RBFOX1: variants seen among roughly 807,000 people sequenced by gnomAD.
The protein encoded by RBFOX1 is RNA binding fox-1 homolog 1.
A neutral mutation model predicts 57.7 loss-of-function variants in RBFOX1; 8 were observed. The ratio of observed to expected loss-of-function variants is 0.14; its 90% CI spans 0.08 to 0.25. The LOEUF (loss-of-function observed/expected upper bound fraction) is 0.25, where lower values mean the gene tolerates loss of function less well. Among genes scored for constraint, RBFOX1 ranks in the 10% least tolerant of loss-of-function variants. The probability of loss-of-function intolerance (pLI) is 1.00; values close to 1 mark genes in which losing one functional copy is unlikely to be tolerated. For missense variants in RBFOX1, 611 were observed against 548.5 expected (o/e 1.11, Z -1.14); for synonymous variants, 326 against 222.4 (o/e 1.47, Z -4.15).
intron 1 of RBFOX1, among the ~76,000 whole-genome samples, chr16:6,278,394 A>AAAAAAAAAAAAAAAAAAAAAAAAAAAAC (rs1220589005): frequency 7.0e-6 from 1 of 143,658 alleles, no homozygotes; most frequent in Non-Finnish European, 1.5e-5. Flanking sequence ...AAAAAAAAAA[A>AAAAAAAAAAAAAAAAAAAAAAAAAAAAC]AAAAAAAAAA....
At chr16:5,580,489 C>T (rs1302453350) in intron 2 of RBFOX1, among the ~76,000 whole-genome samples, 2 of 152,312 alleles carry the variant, frequency 1.3e-5, no homozygotes, top group Admixed American at 6.5e-5. Context: ...TTGGATGCCA[C>T]CTGCTGCCAG....
intron 2 of RBFOX1, among the ~76,000 whole-genome samples, chr16:6,593,248 C>T (rs1323659129): frequency 6.6e-6 from 1 of 152,106 alleles, no homozygotes; most frequent in Non-Finnish European, 1.5e-5. Flanking sequence ...ACCCATCTCT[C>T]TCTGCCCTAC....
At chr16:7,640,649 T>C (rs1019244306) in intron 11 of RBFOX1, among the ~76,000 whole-genome samples, 1 of 152,206 alleles carries the variant, frequency 6.6e-6, no homozygotes, top group Non-Finnish European at 1.5e-5. Context: ...GCAATTATTC[T>C]GGGGGAATTC....
At chr16:6,241,486 G>A (rs1488033484) in intron 1 of RBFOX1, among the ~76,000 whole-genome samples, 1 of 152,150 alleles carries the variant, frequency 6.6e-6, no homozygotes, top group African/African-American at 2.4e-5. Flanking sequence ...CATGACTGCT[G>A]TGGATTCTTT....
At chr16:5,306,730 C>T (rs1187353332) in intron 1 of RBFOX1, among the ~76,000 whole-genome samples, 1 of 152,212 alleles carries the variant, frequency 6.6e-6, no homozygotes, top group Non-Finnish European at 1.5e-5. Flanking sequence ...GCCCTGCCCT[C>T]CATCACCCGG....
At chr16:7,361,054 T>C (rs945300666) in intron 4 of RBFOX1, among the ~76,000 whole-genome samples, 5 of 152,224 alleles carry the variant, frequency 3.3e-5, no homozygotes, top group East Asian at 1.9e-4. Context: ...GCGTGGTAGA[T>C]GTTTGTAAAC....
chr16:6,119,028 TG>T (rs1011349759), intron 1 of RBFOX1, among the ~76,000 whole-genome samples: 4 of 151,388 alleles, frequency 2.6e-5, no homozygotes, highest in African/African-American at 9.7e-5. Flanking sequence ...TTTTTTTTTT[TG>T]ATCTTTCATG....
intron 4 of RBFOX1, among the ~76,000 whole-genome samples, chr16:7,323,244 G>A (rs1340353945): frequency 6.6e-6 from 1 of 152,094 alleles, no homozygotes; most frequent in Admixed American, 6.6e-5. Flanking sequence ...GCAACACAGC[G>A]AGACCCCCAT....
chr16:6,683,416 A>T (rs931468334), intron 3 of RBFOX1, among the ~76,000 whole-genome samples: 2 of 152,154 alleles, frequency 1.3e-5, no homozygotes, highest in Admixed American at 6.5e-5. Context: ...GATGCATGCT[A>T]ATGTATTTGG....
At chr16:6,815,528 C>G (rs1021575532) in intron 3 of RBFOX1, among the ~76,000 whole-genome samples, 13 of 152,164 alleles carry the variant, frequency 8.5e-5, no homozygotes, top group Admixed American at 2.0e-4. Context: ...TCCAGCATCC[C>G]CTACGCCAGA....
intron 3 of RBFOX1, among the ~76,000 whole-genome samples, chr16:6,826,641 C>A (rs1239805953): frequency 1.3e-5 from 2 of 151,924 alleles, no homozygotes; most frequent in Admixed American, 1.3e-4. Flanking sequence ...TTTTTAAAAA[C>A]CTTCCTTTTT....
chr16:6,755,360 A>G (rs1199050500), intron 3 of RBFOX1, among the ~76,000 whole-genome samples: 1 of 152,032 alleles, frequency 6.6e-6, no homozygotes, highest in Non-Finnish European at 1.5e-5. Flanking sequence ...CCTCTCCAGC[A>G]CCTGTTGTTT....
At chr16:6,011,834 G>A (rs1388277216) in intron 4 of RBFOX1, among the ~76,000 whole-genome samples, 2 of 152,172 alleles carry the variant, frequency 1.3e-5, no homozygotes, top group Non-Finnish European at 2.9e-5. Flanking sequence ...TCAGGTCTGG[G>A]TTATCATGGA....
At chr16:6,847,462 C>T (rs887280958) in intron 3 of RBFOX1, among the ~76,000 whole-genome samples, 1 of 152,024 alleles carries the variant, frequency 6.6e-6, no homozygotes, top group Non-Finnish European at 1.5e-5. Flanking sequence ...CAATGGGGAG[C>T]CACAGGGGGT....
intron 2 of RBFOX1, among the ~76,000 whole-genome samples, chr16:6,545,518 C>T (rs981267891): frequency 1.3e-5 from 2 of 152,160 alleles, no homozygotes; most frequent in Non-Finnish European, 2.9e-5. Flanking sequence ...CTGTCGTGGT[C>T]ACTTGGCAAG....
intron 2 of RBFOX1, among the ~76,000 whole-genome samples, chr16:6,652,517 A>G (rs1369082882): frequency 6.6e-6 from 1 of 152,066 alleles, no homozygotes; most frequent in Non-Finnish European, 1.5e-5. Context: ...AGCAGCAGCT[A>G]TGTGAGGCAC....
At chr16:5,808,097 C>T (rs2055292564) in intron 3 of RBFOX1, among the ~76,000 whole-genome samples, 1 of 152,184 alleles carries the variant, frequency 6.6e-6, no homozygotes. Flanking sequence ...GAAGTCCTAG[C>T]TCCTGGTATA....
chr16:6,431,005 C>T lies in RBFOX1; in HGVS notation c.-64+113948C>T, dbSNP rs147716174. ...AAAAAAAAATTAGCCAGGTGTGTTG[C>T]TGTGCACCTGTAGTCCCAGCTACTT... On this transcript the variant is annotated intron_variant, in intron 2 of 15. Coordinates refer to ENST00000550418, the MANE Select transcript of RBFOX1 (RefSeq NM_018723.4). Among the ~76,000 whole-genome samples the T allele has an allele frequency of 7.4e-3, 1,097 of 148,918 alleles. 16 individuals are homozygous for T. The highest frequency in any genetic ancestry group is 0.024 in the African/African-American group (973 of 40,584).
intron 4 of RBFOX1, among the ~76,000 whole-genome samples, chr16:7,128,655 G>A (rs1307521818): frequency 1.3e-5 from 2 of 152,186 alleles, no homozygotes; most frequent in East Asian, 3.9e-4. Flanking sequence ...ATTGTTACCA[G>A]AATATGTTAC....
Sources: gnomAD v4.1 joint callset for allele counts (sites outside exome capture counted in the v4.1 genomes callset) on GRCh38, gnomAD v4.1.1 for gene constraint, MANE v1.5 for transcripts, NCBI Gene and HGNC (gene_info 2026-07-23, HGNC 2026-07-21) for gene names.